STOML1: variants seen among roughly 807,000 people sequenced by gnomAD.
STOML1 encodes stomatin like 1.
Under a neutral mutation model 35.7 loss-of-function variants are expected in STOML1, and 27 were observed. The ratio of observed to expected loss-of-function variants is 0.76; its 90% CI spans 0.56 to 1.04. The LOEUF (loss-of-function observed/expected upper bound fraction) is 1.04, where lower values mean the gene tolerates loss of function less well. Ranked by LOEUF, STOML1 falls within the 50% of genes least tolerant of loss-of-function variation. The pLI is 0.00. For missense variants in STOML1, 451 were observed against 527.1 expected (o/e 0.86, Z 1.41); for synonymous variants, 219 against 227.9 (o/e 0.96, Z 0.35).
Position 73,990,334 on chromosome 15 carries a change from G to T in STOML1, c.240+17C>A. On this transcript the variant is annotated intron_variant, in intron 2 of 6. Transcript: ENST00000541638. Reference sequence around the variant, plus strand: ...GTGTGGCCCAACCACCCTGGGGGCTGACCCAGCCAGCCTTACCTTCAGGGC... The same window carrying T: ...GTGTGGCCCAACCACCCTGGGGGCTTACCCAGCCAGCCTTACCTTCAGGGC... 2 of 1,613,186 alleles carry T rather than the reference G, an allele frequency of 1.2e-6. No homozygotes were observed. The highest frequency in any genetic ancestry group is 2.2e-5 in the South Asian group (2 of 90,964).
At chr15:73,985,158 A>G (rs1050698310) in intron 5 of STOML1, among the ~76,000 whole-genome samples, 160 bp downstream of exon 5, 1 of 151,994 alleles carries the variant, frequency 6.6e-6, no homozygotes, top group Non-Finnish European at 1.5e-5. Flanking sequence ...GCCTCTACAC[A>G]CTCAGACACC....
At chr15:73,994,115 C>A (rs1409908116), upstream of STOML1, among the ~76,000 whole-genome samples, 1 of 152,234 alleles carries the variant, frequency 6.6e-6, no homozygotes, top group African/African-American at 2.4e-5. Flanking sequence ...AACTTCCCAT[C>A]ACTCACAGAA....
rs919586729 is a variant in STOML1, at chr15:73,981,671, T to C, written c.*2266A>G. ...CTGCTGAATGATTTTCCCCATCTCTTCTTATTGTCCACCTACTTGGTAGCT... is the reference window on the plus strand; with the variant it reads ...CTGCTGAATGATTTTCCCCATCTCTCCTTATTGTCCACCTACTTGGTAGCT... On this transcript the variant is annotated 3_prime_UTR_variant, in exon 7 of 7. Coordinates refer to ENST00000541638, the MANE Select transcript of STOML1 (RefSeq NM_004809.5). The C allele has an allele frequency of 2.0e-5, 3 of 152,188 alleles. No individual in the cohort carries two copies. Among genetic ancestry groups the C allele is most frequent in the Admixed American group, 6.5e-5 (1 of 15,268 alleles). The allele number at this position is 152,188 out of a possible 1,614,324, so 9.4% of individuals were successfully genotyped here. A position where few individuals can be genotyped will look rare whatever the true frequency, so the allele number is the denominator to read the frequency against.
chr15:73,990,907 T>C (rs1377973689), intron 1 of STOML1: 14 of 1,531,008 alleles, frequency 9.1e-6, no homozygotes, highest in Non-Finnish European at 1.2e-5. Flanking sequence ...GCCCCAGAAG[T>C]GTGCTTTCCA....
chr15:73,984,014 T>C lies in STOML1; in HGVS notation c.1120A>G (p.Met374Val), dbSNP rs780107270. The change falls in exon 7 of 7, where the codon ATG (methionine) becomes GTG (valine). Residue 374 changes from methionine to valine, a missense_variant. Met to Val is a conservative substitution (Grantham distance 21). Transcript: ENST00000541638. Reference protein sequence around the residue: ...CRELRPLGAYMSGRLKVKGDL... With the variant: ...CRELRPLGAYVSGRLKVKGDL... Reference sequence around the variant, plus strand: ...CCCTTCACCTTCAGCCGTCCACTCATGTAGGCCCCCAGGGGCCGCAGCTCT... The same window carrying C: ...CCCTTCACCTTCAGCCGTCCACTCACGTAGGCCCCCAGGGGCCGCAGCTCT... 2 of 1,613,920 alleles carry C rather than the reference T, an allele frequency of 1.2e-6. No homozygotes were observed. Among genetic ancestry groups the C allele is most frequent in the African/African-American group, 2.7e-5 (2 of 74,928 alleles).
chr15:73,991,773 G>T, intron 1 of STOML1: 1 of 559,180 alleles, frequency 1.8e-6, no homozygotes, highest in East Asian at 3.9e-5. Flanking sequence ...TTTCTTCTAT[G>T]CGAAATAGAA....
Position 73,984,685 on chromosome 15 carries a change from C to T in STOML1, c.977G>A (p.Ser326Asn), listed in dbSNP as rs2069031089. The change falls in exon 6 of 7, where the codon AGC becomes AAC. Residue 326 changes from serine (S) to asparagine (N), a missense_variant. Ser to Asn is a conservative substitution (Grantham distance 46). Transcript: ENST00000541638. Reference protein sequence around the residue: ...FNVVLPSGTQSAYFLDLTTGR... With the variant: ...FNVVLPSGTQNAYFLDLTTGR... ...TGTAGTGAGGTCCAGGAAGTAGGCG[C>T]TTTGGGTGCCGCTGGGCAGGACGAC... 9 of 1,614,026 alleles carry T rather than the reference C, an allele frequency of 5.6e-6. No individual in the cohort carries two copies. The highest frequency in any genetic ancestry group is 7.6e-6 in the Non-Finnish European group (9 of 1,180,036).
upstream of STOML1, chr15:73,992,311 G>A (rs1005116479): frequency 2.5e-5 from 35 of 1,401,952 alleles, no homozygotes; most frequent in Non-Finnish European, 2.8e-5. Flanking sequence ...CCTGGCTGCT[G>A]CTTCCGGCTT....
chr15:73,987,623 G>C (rs967782858), intron 4 of STOML1: 6 of 152,268 alleles, frequency 3.9e-5, no homozygotes, highest in African/African-American at 1.4e-4. Context: ...GAGGCAGGTG[G>C]TCTAGCTATG....
chr15:73,984,917 A>T, intron 5 of STOML1, 46 bp from the exon 6 acceptor site: 1 of 1,607,352 alleles, frequency 6.2e-7, no homozygotes. Context: ...AGAGGAGGTC[A>T]TCGTGTTGCC....
chr15:73,982,236 G>A lies in STOML1; in HGVS notation c.*1701C>T, dbSNP rs1402963135. ...ACACACAATGTGGAATGGGTGCAGA[G>A]AGCCAGGCAAGGGCACAGAGGACAA... On this transcript the variant is annotated 3_prime_UTR_variant, in exon 7 of 7. Transcript: ENST00000541638. 1 of 152,466 alleles carries A rather than the reference G, an allele frequency of 6.6e-6. No homozygotes were observed. The highest frequency in any genetic ancestry group is 1.5e-5 in the Non-Finnish European group (1 of 68,202). 9.4% of individuals were successfully genotyped at this position (152,466 alleles called of 1,614,324 possible).
chr15:73,985,243 G>A (rs2069053047), intron 5 of STOML1, 75 bp downstream of exon 5: 2 of 1,441,272 alleles, frequency 1.4e-6, no homozygotes, highest in South Asian at 3.0e-5. Flanking sequence ...GCACAGAGCT[G>A]CTGGGATAGT....
Position 73,988,728 on chromosome 15 carries a change from C to T in STOML1, c.465G>A (p.Ser155=), listed in dbSNP as rs1327321222. ...VQFRIWDPVL[S]VMTVKDLNTA... ...TGTTCAGGTCTTTCACAGTCATCACCGACAGCACCGGGTCCCAGATGCGAA... is the reference window on the plus strand; with the variant it reads ...TGTTCAGGTCTTTCACAGTCATCACTGACAGCACCGGGTCCCAGATGCGAA... The change falls in exon 4 of 7, where the codon TCG becomes TCA. Residue 155 remains serine, a synonymous_variant. Coordinates refer to ENST00000541638, the MANE Select transcript of STOML1 (RefSeq NM_004809.5). This position sits in a 1 kb window ranked among gnomAD's most constrained non-coding sequence, Gnocchi z 4.8. 16 of 1,614,054 alleles carry T rather than the reference C, an allele frequency of 9.9e-6. No individual in the cohort carries two copies. Among genetic ancestry groups the T allele is most frequent in the African/African-American group, 1.3e-5 (1 of 74,896 alleles).
At position 73,992,111 on chromosome 15, in the gene STOML1, C is replaced by A. The variant is rs369412490; in HGVS notation, c.113G>T (p.Gly38Val). The A allele has an allele frequency of 6.2e-7, 1 of 1,600,166 alleles. No individual in the cohort carries two copies. Among genetic ancestry groups the A allele is most frequent in the Non-Finnish European group, 8.5e-7 (1 of 1,174,680 alleles). ...CTCACCGGCCCCTGTCCCCACGCCG[C>A]CCCGCTCCGGGGACAAGCAGCCCTT... is the stretch of plus-strand genomic sequence containing the variant. ...SQKGCLSPER[G>V]GVGTGADVPQ... The change falls in exon 1 of 7, where the codon GGC (glycine) becomes GTC (valine). Residue 38 changes from glycine (G) to valine (V), a missense_variant. Transcript: ENST00000541638.
chr15:73,992,967 C>T (rs2069333488), upstream of STOML1, among the ~76,000 whole-genome samples: 1 of 152,160 alleles, frequency 6.6e-6, no homozygotes, highest in Non-Finnish European at 1.5e-5. Context: ...ACCCACAGCC[C>T]AGCAAGCAGG....
At chr15:73,985,211 A>G in intron 5 of STOML1, 107 bp downstream of exon 5, 1 of 1,310,786 alleles carries the variant, frequency 7.6e-7, no homozygotes, top group Non-Finnish European at 1.0e-6. Context: ...TGTGGGCTGA[A>G]CATCTGTGCA....
Position 73,988,859 on chromosome 15 carries a change from C to G in STOML1, c.391-57G>C. 6.3e-7 allele frequency: 1 copy of G among 1,575,920 alleles called. No homozygotes were observed. The highest frequency in any genetic ancestry group is 2.3e-5 in the East Asian group (1 of 44,352). On this transcript the variant is annotated intron_variant, in intron 3 of 6. Transcript: ENST00000541638. This position sits in a 1 kb window ranked among gnomAD's most constrained non-coding sequence, Gnocchi z 4.8. ...CAAGGGGCTGGGGGTGCAGGGAGGTCAGGCCCACTGGGGCCACCCAGCTTG... is the reference window on the plus strand; with the variant it reads ...CAAGGGGCTGGGGGTGCAGGGAGGTGAGGCCCACTGGGGCCACCCAGCTTG...
upstream of STOML1, among the ~76,000 whole-genome samples, chr15:73,993,001 T>A (rs1275766639): frequency 6.6e-6 from 1 of 152,148 alleles, no homozygotes; most frequent in Non-Finnish European, 1.5e-5. Context: ...CAGGTCTCAA[T>A]ACTTATTTGT....
upstream of STOML1, among the ~76,000 whole-genome samples, chr15:73,994,274 G>T (rs1430644532): frequency 6.6e-6 from 1 of 152,068 alleles, no homozygotes; most frequent in African/African-American, 2.4e-5. Context: ...AGTGTCCCCC[G>T]TACCCCACCA....
Sources: allele counts gnomAD v4.1 joint callset (sites outside exome capture counted in the v4.1 genomes callset), GRCh38; gene constraint gnomAD v4.1.1; non-coding constraint Gnocchi (gnomAD v3.1); transcripts MANE v1.5; gene names NCBI Gene and HGNC (gene_info 2026-07-23, HGNC 2026-07-21).